HMGA2: variants seen among roughly 807,000 people sequenced by gnomAD.
HMGA2 encodes high mobility group AT-hook 2.
In HMGA2, 8 loss-of-function variants were observed where a neutral mutation model predicts 19.1. The observed-to-expected ratio is 0.42, with a 90% CI of 0.25 to 0.76. The LOEUF is 0.76. HMGA2 is among the 30% of genes least tolerant of loss of function. The probability of loss-of-function intolerance (pLI) is 0.28; values close to 1 mark genes in which losing one functional copy is unlikely to be tolerated. For synonymous variants in HMGA2, 60 were observed against 48.8 expected (o/e 1.23, Z -0.96); for missense variants, 109 against 136.3 (o/e 0.80, Z 1.00).
rs34142770 is a variant in HMGA2, at chr12:65,861,623, TAA to T, written c.249+23071_249+23072del. ...GTAATATTGATTTATCCTAAATTGG[TAA>T]AAAAAAAAAAAAAAAACCTAGATAC... On this transcript the variant is annotated intron_variant, in intron 3 of 4. Transcript: ENST00000403681. 1.5e-4 allele frequency among the ~76,000 whole-genome samples: 19 copies of T among 123,908 alleles called. No homozygotes were observed. In the East Asian group the frequency reaches 2.1e-3, roughly 13 times the overall value. 81.3% of individuals were successfully genotyped at this position (123,908 alleles called of 152,430 possible).
chr12:65,886,740 A>G (rs1873675689), intron 3 of HMGA2, among the ~76,000 whole-genome samples: 1 of 152,174 alleles, frequency 6.6e-6, no homozygotes, highest in Non-Finnish European at 1.5e-5. Flanking sequence ...TGTTCGAGGA[A>G]GGAGGTGTGA....
intron 3 of HMGA2, among the ~76,000 whole-genome samples, chr12:65,914,006 A>C (rs1422864712): frequency 1.3e-5 from 2 of 152,158 alleles, no homozygotes; most frequent in African/African-American, 4.8e-5. Context: ...TGTTTTGGAG[A>C]GGATGTGGAG....
At chr12:65,866,378 A>T (rs1872412172) in intron 3 of HMGA2, among the ~76,000 whole-genome samples, 1 of 152,214 alleles carries the variant, frequency 6.6e-6, no homozygotes, top group African/African-American at 2.4e-5. Flanking sequence ...GTATTGGAGT[A>T]GGCGAGGCTG....
intron 3 of HMGA2, among the ~76,000 whole-genome samples, chr12:65,896,147 G>T (rs1048290450): frequency 1.2e-4 from 18 of 152,176 alleles, no homozygotes; most frequent in African/African-American, 3.9e-4. Context: ...TGGGGTTTTT[G>T]AAAAGGAATG....
chr12:65,911,372 G>A (rs1874837797), intron 3 of HMGA2, among the ~76,000 whole-genome samples: 1 of 152,152 alleles, frequency 6.6e-6, no homozygotes, highest in African/African-American at 2.4e-5. Context: ...ATAATGGGCT[G>A]GTTGTTGAGA....
intron 3 of HMGA2, among the ~76,000 whole-genome samples, chr12:65,846,186 C>A (rs1229322956): frequency 1.3e-5 from 2 of 152,208 alleles, no homozygotes; most frequent in Admixed American, 1.3e-4. Flanking sequence ...TTCATTCTTA[C>A]AATAAACGTG....
chr12:65,874,726 A>G (rs1592409111), intron 3 of HMGA2, among the ~76,000 whole-genome samples: 1 of 152,332 alleles, frequency 6.6e-6, no homozygotes, highest in East Asian at 1.9e-4. Flanking sequence ...ATCATAGTTC[A>G]AACTCATTTG....
chr12:65,898,936 C>A (rs141040631), intron 3 of HMGA2, among the ~76,000 whole-genome samples: 1 of 149,830 alleles, frequency 6.7e-6, no homozygotes, highest in Non-Finnish European at 1.5e-5. Context: ...CCCAGCTACT[C>A]GAGAGGCTGA....
chr12:65,913,824 T>C (rs538091640), intron 3 of HMGA2, among the ~76,000 whole-genome samples: 1 of 152,318 alleles, frequency 6.6e-6, no homozygotes, highest in East Asian at 1.9e-4. Flanking sequence ...GTTCCTGATG[T>C]GTCACCAGTG....
At chr12:65,859,911 C>T (rs1871959021) in intron 3 of HMGA2, 1 of 262,342 alleles carries the variant, frequency 3.8e-6, no homozygotes, top group South Asian at 3.9e-5. Flanking sequence ...TAGTAATGCC[C>T]CATCTCTAAA....
intron 3 of HMGA2, among the ~76,000 whole-genome samples, chr12:65,917,788 T>C (rs1182424422): frequency 2.0e-5 from 3 of 152,208 alleles, no homozygotes; most frequent in African/African-American, 7.2e-5. Flanking sequence ...AGTTGTTTCT[T>C]TGACATTCAT....
At chr12:65,841,161 T>G (rs905411014) in intron 3 of HMGA2, among the ~76,000 whole-genome samples, 3 of 152,204 alleles carry the variant, frequency 2.0e-5, no homozygotes, top group Non-Finnish European at 2.9e-5. Context: ...TATATGTTTT[T>G]TTTCTTAACG....
intron 3 of HMGA2, among the ~76,000 whole-genome samples, chr12:65,926,533 G>T (rs1336446141): frequency 1.3e-5 from 2 of 152,228 alleles, no homozygotes; most frequent in Non-Finnish European, 2.9e-5. Flanking sequence ...AGAGTGTGAA[G>T]TTCTGTTTCC....
At chr12:65,941,781 A>G (rs541797163) in intron 3 of HMGA2, among the ~76,000 whole-genome samples, 1 of 152,352 alleles carries the variant, frequency 6.6e-6, no homozygotes, top group Admixed American at 6.5e-5. Flanking sequence ...TGTTTAGTCT[A>G]AGATTGGGCA....
intron 3 of HMGA2, among the ~76,000 whole-genome samples, chr12:65,898,992 G>A (rs1339186542): frequency 1.4e-5 from 2 of 147,320 alleles, no homozygotes; most frequent in South Asian, 2.1e-4. Context: ...TGCAGTAAGC[G>A]GAGATCGTGC....
intron 3 of HMGA2, among the ~76,000 whole-genome samples, chr12:65,913,131 C>T (rs979038616): frequency 1.1e-4 from 17 of 152,196 alleles, no homozygotes; most frequent in African/African-American, 2.2e-4. Flanking sequence ...AATCATGAGT[C>T]TCTTGTTTTC....
At chr12:65,909,881 G>C (rs528121899) in intron 3 of HMGA2, among the ~76,000 whole-genome samples, 2 of 152,318 alleles carry the variant, frequency 1.3e-5, no homozygotes, top group South Asian at 4.1e-4. Context: ...GAGACCTCTG[G>C]CTTCCACATT....
Position 65,825,023 on chromosome 12 carries a change from G to A in HMGA2, c.-248G>A. On this transcript the variant is annotated 5_prime_UTR_variant, in exon 1 of 5. Transcript: ENST00000403681. The surrounding 1 kb of genome is among the most constrained non-coding windows in gnomAD (Gnocchi z 4.4). ...CCGGCACCCACCCACCGCCGCCGCC[G>A]CCACCGGCAGCGCCTCCTCCTCTCC... 2.4e-6 allele frequency: 1 copy of A among 416,030 alleles called. No individual in the cohort carries two copies. Among genetic ancestry groups the A allele is most frequent in the Non-Finnish European group, 4.3e-6 (1 of 233,486 alleles). 25.8% of individuals were successfully genotyped at this position (416,030 alleles called of 1,614,324 possible).
intron 4 of HMGA2, among the ~76,000 whole-genome samples, chr12:65,960,851 A>ATT (rs1876732957): frequency 6.6e-6 from 1 of 152,206 alleles, no homozygotes; most frequent in African/African-American, 2.4e-5. Flanking sequence ...AATATGACCT[A>ATT]CCACCATTTT....
Sources: gnomAD v4.1 joint callset for allele counts (sites outside exome capture counted in the v4.1 genomes callset) on GRCh38, gnomAD v4.1.1 for gene constraint, Gnocchi (gnomAD v3.1) non-coding constraint, MANE v1.5 for transcripts, NCBI Gene and HGNC (gene_info 2026-07-23, HGNC 2026-07-21) for gene names.